PSMA1: variants seen among roughly 807,000 people sequenced by gnomAD.
The protein encoded by PSMA1 is proteasome subunit alpha type-1.
Under a neutral mutation model 38.4 loss-of-function variants are expected in PSMA1, and 3 were observed. That is an observed-to-expected ratio of 0.08 (90% CI 0.04 to 0.20). The LOEUF (loss-of-function observed/expected upper bound fraction) is 0.20. Among genes scored for constraint, PSMA1 ranks in the 10% least tolerant of loss-of-function variants. The pLI is 1.00. For synonymous variants in PSMA1, 101 were observed against 107.1 expected (o/e 0.94, Z 0.35); for missense variants, 227 against 325.3 (o/e 0.70, Z 2.32).
chr11:14,601,436 G>T (rs16930367), intron 2 of PSMA1, among the ~76,000 whole-genome samples: 2,818 of 152,158 alleles, frequency 0.019, 83 homozygotes, highest in African/African-American at 0.065. Flanking sequence ...CCCACCAAAG[G>T]CTGCCGTTCT....
chr11:14,596,145 T>A (rs570262187), intron 2 of PSMA1, among the ~76,000 whole-genome samples: 29 of 152,150 alleles, frequency 1.9e-4, no homozygotes, highest in African/African-American at 3.1e-4. Flanking sequence ...TGGTTACTGT[T>A]GGCTTGTAGT....
At chr11:14,600,616 C>A (rs1590005546) in intron 2 of PSMA1, among the ~76,000 whole-genome samples, 1 of 152,150 alleles carries the variant, frequency 6.6e-6, no homozygotes, top group African/African-American at 2.4e-5. Flanking sequence ...TGTATTTGAG[C>A]GGGAGTGTCC....
At chr11:14,510,003 G>GT (rs570900794) in intron 8 of PSMA1, among the ~76,000 whole-genome samples, 121 of 152,276 alleles carry the variant, frequency 7.9e-4, no homozygotes, top group African/African-American at 2.8e-3. Flanking sequence ...GATTACAGGC[G>GT]TGAGCCACCG....
At chr11:14,528,463 G>T (rs545346079) in intron 2 of PSMA1, among the ~76,000 whole-genome samples, 44 of 152,082 alleles carry the variant, frequency 2.9e-4, no homozygotes, top group African/African-American at 1.0e-3. Context: ...TCTTTCTTCA[G>T]TTGAATCTCT....
At chr11:14,545,542 T>C (rs1308262843) in intron 2 of PSMA1, among the ~76,000 whole-genome samples, 2 of 152,216 alleles carry the variant, frequency 1.3e-5, no homozygotes, top group Non-Finnish European at 2.9e-5. Flanking sequence ...AGTTCCCACT[T>C]AGAAGTGAGA....
chr11:14,548,905 A>G (rs1159092617), intron 2 of PSMA1, among the ~76,000 whole-genome samples: 3 of 152,224 alleles, frequency 2.0e-5, no homozygotes, highest in Non-Finnish European at 4.4e-5. Flanking sequence ...ACTTGTTATA[A>G]ATGTTAAACT....
At chr11:14,618,469 A>G (rs1369905556) in intron 1 of PSMA1, among the ~76,000 whole-genome samples, 2 of 152,242 alleles carry the variant, frequency 1.3e-5, no homozygotes, top group Non-Finnish European at 2.9e-5. Flanking sequence ...AATGTAATAC[A>G]TGTTTCCTTG....
intron 1 of PSMA1, among the ~76,000 whole-genome samples, chr11:14,639,657 C>G (rs1226232097): frequency 6.6e-6 from 1 of 152,200 alleles, no homozygotes; most frequent in Non-Finnish European, 1.5e-5. Context: ...TAGGGCCACA[C>G]CATCTCTGTA....
intron 2 of PSMA1, chr11:14,610,740 C>T: frequency 5.6e-6 from 3 of 534,504 alleles, no homozygotes; most frequent in South Asian, 2.6e-5. Flanking sequence ...AGGTTAATCC[C>T]TTTCTTTTTG....
At chr11:14,565,992 T>C (rs953543438) in intron 2 of PSMA1, among the ~76,000 whole-genome samples, 5 of 152,200 alleles carry the variant, frequency 3.3e-5, no homozygotes, top group Non-Finnish European at 2.9e-5. Flanking sequence ...AAGATTTTTT[T>C]CAGACAGATA....
At chr11:14,507,304 A>C (rs983630629) in intron 9 of PSMA1, among the ~76,000 whole-genome samples, 1 of 151,814 alleles carries the variant, frequency 6.6e-6, no homozygotes, top group Non-Finnish European at 1.5e-5. Context: ...AGTAGCTGGG[A>C]CTACAGGTGC....
At chr11:14,600,574 T>A (rs1340540631) in intron 2 of PSMA1, among the ~76,000 whole-genome samples, 2 of 152,220 alleles carry the variant, frequency 1.3e-5, no homozygotes, top group East Asian at 3.9e-4. Flanking sequence ...AATCACCTTG[T>A]CTGCTGGTTG....
chr11:14,577,497 C>T (rs1852232608), intron 2 of PSMA1, among the ~76,000 whole-genome samples: 1 of 152,184 alleles, frequency 6.6e-6, no homozygotes, highest in Admixed American at 6.5e-5. Context: ...CCTCAACCTG[C>T]CTCATCTTGA....
chr11:14,572,945 C>A (rs1378074183), intron 2 of PSMA1, among the ~76,000 whole-genome samples: 1 of 152,152 alleles, frequency 6.6e-6, no homozygotes, highest in Non-Finnish European at 1.5e-5. Flanking sequence ...GACACATACA[C>A]CCTCTGAAGA....
intron 2 of PSMA1, among the ~76,000 whole-genome samples, chr11:14,574,852 T>C (rs543094573): frequency 6.6e-6 from 1 of 152,328 alleles, no homozygotes; most frequent in East Asian, 1.9e-4. Context: ...AATGTGAGAA[T>C]GGACTTATAC....
intron 1 of PSMA1, among the ~76,000 whole-genome samples, chr11:14,631,735 C>T (rs1479067023): frequency 2.6e-5 from 4 of 152,140 alleles, no homozygotes; most frequent in Non-Finnish European, 5.9e-5. Context: ...GACTTTCTGT[C>T]TCATTGATGT....
chr11:14,577,098 T>C (rs777962899), intron 2 of PSMA1, among the ~76,000 whole-genome samples: 3 of 152,338 alleles, frequency 2.0e-5, no homozygotes, highest in Non-Finnish European at 2.9e-5. Context: ...TATTGGTGTA[T>C]AAGAATGCTT....
intron 2 of PSMA1, among the ~76,000 whole-genome samples, chr11:14,525,464 C>T (rs1266645315): frequency 6.6e-6 from 1 of 152,128 alleles, no homozygotes. Flanking sequence ...TCCCACAGCA[C>T]GCTTTTAAAG....
intron 2 of PSMA1, 144 bp downstream of exon 2, chr11:14,518,853 C>T: frequency 1.5e-6 from 1 of 660,538 alleles, no homozygotes; most frequent in Middle Eastern, 3.0e-4. Flanking sequence ...ATCAGGAAAC[C>T]TATTTTAATT....
Sources: gnomAD v4.1 joint callset for allele counts (sites outside exome capture counted in the v4.1 genomes callset) on GRCh38, gnomAD v4.1.1 for gene constraint, MANE v1.5 for transcripts, NCBI Gene and HGNC (gene_info 2026-07-23, HGNC 2026-07-21) for gene names.